Variants in NR3C1 observed in about 807,000 individuals in gnomAD.
NR3C1 encodes the protein nuclear receptor subfamily 3 group C member 1, also known as glucocorticoid receptor.
A neutral mutation model predicts 74.0 loss-of-function variants in NR3C1; 14 were observed. The ratio of observed to expected loss-of-function variants is 0.19; its 90% CI spans 0.12 to 0.30. The LOEUF is 0.30. Ranked by LOEUF, NR3C1 falls within the 10% of genes least tolerant of loss-of-function variation. NR3C1 has a pLI of 1.00. For missense variants in NR3C1, 695 were observed against 909.8 expected (o/e 0.76, Z 3.04); for synonymous variants, 308 against 332.5 (o/e 0.93, Z 0.80).
At chr5:143,433,428 A>T (rs1751942866) in intron 1 of NR3C1, among the ~76,000 whole-genome samples, 1 of 140,520 alleles carries the variant, frequency 7.1e-6, no homozygotes, top group Non-Finnish European at 1.5e-5. Context: ...TAAATTATAT[A>T]TATATATAAT....
At chr5:143,369,136 A>G (rs1248962316) in intron 2 of NR3C1, among the ~76,000 whole-genome samples, 2 of 152,222 alleles carry the variant, frequency 1.3e-5, no homozygotes, top group Admixed American at 1.3e-4. Context: ...TTCCAACATG[A>G]GTTTTGGAGG....
intron 2 of NR3C1, chr5:143,389,889 G>A (rs1298387598): frequency 1.1e-5 from 10 of 948,646 alleles, no homozygotes; most frequent in Non-Finnish European, 1.3e-5. Context: ...TGCCATGCTA[G>A]GATGGCTCTT....
chr5:143,417,875 A>T (rs1750995155), intron 1 of NR3C1, among the ~76,000 whole-genome samples: 1 of 152,186 alleles, frequency 6.6e-6, no homozygotes, highest in South Asian at 2.1e-4. Context: ...AATTCTATAA[A>T]CCACACAAGT....
At chr5:143,310,869 G>C (rs1188852236) in intron 3 of NR3C1, among the ~76,000 whole-genome samples, 1 of 151,980 alleles carries the variant, frequency 6.6e-6, no homozygotes, top group Non-Finnish European at 1.5e-5. Flanking sequence ...TGTTGGCTAG[G>C]ATTGTCTCGA....
chr5:143,393,467 T>C (rs188311554), intron 2 of NR3C1, among the ~76,000 whole-genome samples: 9 of 152,252 alleles, frequency 5.9e-5, no homozygotes, highest in African/African-American at 2.2e-4. Context: ...AAACTAGGTC[T>C]TTGGACTTTT....
chr5:143,333,032 G>A lies in NR3C1; in HGVS notation c.1185-18864C>T, dbSNP rs10477205. ...ACACAGTGATTGAGGAGCACCTGGG[G>A]AAGTTTGGCTTCATTTGCTTGGAAG... On this transcript the variant is annotated intron_variant, in intron 2 of 8. Transcript: ENST00000394464. 1,992 of 1,592,102 alleles carry A rather than the reference G, an allele frequency of 1.3e-3. 17 individuals carry two copies. In the African/African-American group the frequency reaches 0.017, roughly 14 times the overall value.
chr5:143,377,306 T>G (rs1351840140), intron 2 of NR3C1, among the ~76,000 whole-genome samples: 5 of 152,174 alleles, frequency 3.3e-5, no homozygotes, highest in East Asian at 3.9e-4. Flanking sequence ...TGACTCAATA[T>G]GATGGCTTTT....
At chr5:143,427,778 T>G (rs981263010) in intron 1 of NR3C1, among the ~76,000 whole-genome samples, 2 of 152,234 alleles carry the variant, frequency 1.3e-5, no homozygotes, top group African/African-American at 4.8e-5. Flanking sequence ...GTTTACACTG[T>G]GTGGGTTCAA....
chr5:143,392,646 A>T (rs1037213748), intron 2 of NR3C1, among the ~76,000 whole-genome samples: 1 of 152,188 alleles, frequency 6.6e-6, no homozygotes, highest in Admixed American at 6.5e-5. Flanking sequence ...AACTAGAATA[A>T]AAACTTTCAC....
chr5:143,294,258 C>A, intron 7 of NR3C1: 1 of 984,494 alleles, frequency 1.0e-6, no homozygotes, highest in Non-Finnish European at 1.2e-6. Context: ...GGAATTAAGA[C>A]TTTTTAAAAA....
At chr5:143,374,617 G>A (rs982283846) in intron 2 of NR3C1, among the ~76,000 whole-genome samples, 16 of 152,036 alleles carry the variant, frequency 1.1e-4, no homozygotes, top group African/African-American at 3.4e-4. Flanking sequence ...GGGGGCGAGG[G>A]CAGGGAGGAG....
chr5:143,343,008 T>C (rs1306200057), intron 2 of NR3C1, among the ~76,000 whole-genome samples: 1 of 152,016 alleles, frequency 6.6e-6, no homozygotes. Context: ...CAACAGAAGA[T>C]GACAAAAAAA....
At chr5:143,370,062 G>T (rs1041372715) in intron 2 of NR3C1, among the ~76,000 whole-genome samples, 2 of 152,140 alleles carry the variant, frequency 1.3e-5, no homozygotes, top group Non-Finnish European at 2.9e-5. Flanking sequence ...ATTGGAATCT[G>T]GCTCTTTCCA....
At chr5:143,426,940 A>G (rs1751560235) in intron 1 of NR3C1, among the ~76,000 whole-genome samples, 1 of 152,178 alleles carries the variant, frequency 6.6e-6, no homozygotes, top group Non-Finnish European at 1.5e-5. Context: ...CCTTGGGAGG[A>G]CCACCCATGT....
chr5:143,295,606 A>G lies in NR3C1; in HGVS notation c.1893-16T>C, dbSNP rs1271386479. ...CATTCTCTGCCTGTGAAAGATAAAT[A>G]GCAGGGTATTAGTTAGAAATACTGC... On this transcript the variant is annotated splice_polypyrimidine_tract_variant and intron_variant, in intron 6 of 8. Coordinates refer to ENST00000394464, the MANE Select transcript of NR3C1 (RefSeq NM_000176.3). 8 of 1,604,124 alleles carry G rather than the reference A, an allele frequency of 5.0e-6. No individual in the cohort carries two copies. Among genetic ancestry groups the G allele is most frequent in the Non-Finnish European group, 6.8e-6 (8 of 1,171,760 alleles).
chr5:143,279,432 A>G lies in NR3C1; in HGVS notation c.*2457T>C. 1 of 1,507,032 alleles carries G rather than the reference A, an allele frequency of 6.6e-7. No individual in the cohort carries two copies. Among genetic ancestry groups the G allele is most frequent in the Non-Finnish European group, 8.8e-7 (1 of 1,133,340 alleles). The allele number at this position is 1,507,032 out of a possible 1,614,324, so 93.4% of individuals were successfully genotyped here. A position where few individuals can be genotyped will look rare whatever the true frequency, so the allele number is the denominator to read the frequency against. ...ACATTCTATAAAGGAATGATAATCT[A>G]CGTTTTAGAAGCTCTTTTTGAAACT... On this transcript the variant is annotated 3_prime_UTR_variant, in exon 9 of 9. Transcript: ENST00000394464.
chr5:143,385,290 C>T (rs974383675), intron 2 of NR3C1, among the ~76,000 whole-genome samples: 7 of 152,202 alleles, frequency 4.6e-5, no homozygotes, highest in African/African-American at 1.7e-4. Flanking sequence ...CTCTGACATG[C>T]CCTGGAAACA....
At chr5:143,427,471 G>C (rs1213750536) in intron 1 of NR3C1, among the ~76,000 whole-genome samples, 1 of 152,068 alleles carries the variant, frequency 6.6e-6, no homozygotes, top group Admixed American at 6.6e-5. Flanking sequence ...AGAGGGGAAA[G>C]ATAGTTGGCA....
chr5:143,431,850 G>T (rs1405499949), intron 1 of NR3C1, among the ~76,000 whole-genome samples: 3 of 152,170 alleles, frequency 2.0e-5, no homozygotes, highest in Non-Finnish European at 4.4e-5. Context: ...TAACACTATG[G>T]TTTAATCAGC....
Sources: gnomAD v4.1 joint callset for allele counts (sites outside exome capture counted in the v4.1 genomes callset) on GRCh38, gnomAD v4.1.1 for gene constraint, MANE v1.5 for transcripts, NCBI Gene and HGNC (gene_info 2026-07-23, HGNC 2026-07-21) for gene names.